Variants in GPATCH1 observed in about 807,000 individuals in gnomAD.
GPATCH1 encodes the protein G patch domain-containing protein 1.
GPATCH1 carries 73 observed loss-of-function variants against 114.9 expected under a neutral mutation model. That is an observed-to-expected ratio of 0.64 (90% CI 0.53 to 0.77). The LOEUF is 0.77. GPATCH1 is among the 30% of genes least tolerant of loss of function. The pLI, the probability that GPATCH1 is intolerant of heterozygous loss-of-function variation, is 0.00. For missense variants in GPATCH1, 1,058 were observed against 1,144.3 expected (o/e 0.92, Z 1.09); for synonymous variants, 391 against 428.4 (o/e 0.91, Z 1.08).
Position 33,096,393 on chromosome 19 carries a change from G to C in GPATCH1, c.799G>C (p.Asp267His). 3.1e-6 allele frequency: 5 copies of C among 1,613,826 alleles called. No individual in the cohort carries two copies. The highest frequency in any genetic ancestry group is 4.2e-6 in the Non-Finnish European group (5 of 1,179,746). The change falls in exon 7 of 20, where the codon GAT (aspartate) becomes CAT (histidine). Residue 267 changes from aspartate to histidine, a missense_variant. Asp to His is a moderately conservative substitution (Grantham distance 81, BLOSUM62 -1). Coordinates refer to ENST00000170564, the MANE Select transcript of GPATCH1 (RefSeq NM_018025.3). The part of the protein sequence containing the change: ...LFSGGSERAG[D>H]LGEIGLNKGR... ...CAGTGGTGGTTCTGAGAGAGCTGGC[G>C]ATCTTGGAGAAATTGGACTGAATAA...
chr19:33,110,074 G>A lies in GPATCH1; in HGVS notation c.1585+58G>A, dbSNP rs1002466075. On this transcript the variant is annotated intron_variant, in intron 11 of 19. Coordinates refer to ENST00000170564, the MANE Select transcript of GPATCH1 (RefSeq NM_018025.3). The stretch of plus-strand genomic sequence containing the variant: ...GCCCGGGCGGGGTCATATTCTCACT[G>A]TTCTCATCCTAGACCCATATTTACA... 7.4e-5 allele frequency: 104 copies of A among 1,403,920 alleles called. 1 individual carries two copies. The South Asian group carries it at 1.2e-3, about 17-fold the overall frequency. The allele number at this position is 1,403,920 out of a possible 1,614,324, so 87.0% of individuals were successfully genotyped here.
rs1275934991 is a variant in GPATCH1 at position 33,088,136 on chromosome 19, G to A, written c.76G>A (p.Glu26Lys). ...GTGLEPLEEG[E>K]RPKKPIPLQD... ...ACTTTTTTTTTTTTTTTTTTTAGGTGAAAGACCAAAGAAACCAATCCCTCT... is the reference window on the plus strand; with the variant it reads ...ACTTTTTTTTTTTTTTTTTTTAGGTAAAAGACCAAAGAAACCAATCCCTCT... The change falls in exon 2 of 20, where the codon GAA (glutamate) becomes AAA (lysine). Residue 26 changes from glutamate to lysine, a missense_variant and splice_region_variant. Physicochemically the swap from Glu to Lys is moderately conservative, Grantham distance 56. Transcript: ENST00000170564. The A allele has an allele frequency of 2.8e-5, 33 of 1,165,070 alleles. No homozygotes were observed. Among genetic ancestry groups the A allele is most frequent in the Middle Eastern group, 2.8e-4 (1 of 3,586 alleles). The allele number at this position is 1,165,070 out of a possible 1,614,324, so 72.2% of individuals were successfully genotyped here.
intron 10 of GPATCH1, among the ~76,000 whole-genome samples, chr19:33,108,106 G>T (rs1972807436): frequency 6.6e-6 from 1 of 151,958 alleles, no homozygotes; most frequent in Non-Finnish European, 1.5e-5. Context: ...CCACACGTGT[G>T]GGGGTTCTGT....
intron 18 of GPATCH1, 134 bp downstream of exon 18, chr19:33,125,336 T>G: frequency 1.0e-6 from 1 of 973,440 alleles, no homozygotes; most frequent in Non-Finnish European, 1.5e-6. Context: ...TTAACAGAAA[T>G]GTTGACATTC....
At chr19:33,101,435 T>C (rs1233088485) in intron 8 of GPATCH1, 60 bp from the exon 9 acceptor site, 3 of 899,698 alleles carry the variant, frequency 3.3e-6, no homozygotes, top group Non-Finnish European at 5.5e-6. Context: ...AATGCTGATG[T>C]GTTCTGTCTT....
chr19:33,102,438 C>T (rs1298810357), intron 9 of GPATCH1, among the ~76,000 whole-genome samples: 3 of 149,528 alleles, frequency 2.0e-5, no homozygotes, highest in African/African-American at 7.4e-5. Context: ...GTTCTGTCAC[C>T]CAGGCTGCAG....
At chr19:33,082,258 C>T (rs1434381844) in intron 1 of GPATCH1, among the ~76,000 whole-genome samples, 9 of 152,114 alleles carry the variant, frequency 5.9e-5, no homozygotes, top group Admixed American at 5.9e-4. Flanking sequence ...GTCTGTTCCA[C>T]TTAACGACTT....
chr19:33,115,564 G>A (rs958295964), intron 15 of GPATCH1, among the ~76,000 whole-genome samples: 1 of 147,798 alleles, frequency 6.8e-6, no homozygotes, highest in South Asian at 2.1e-4. Context: ...GCACTGTCTC[G>A]GCTCACCGCA....
At chr19:33,086,370 G>T (rs556787135) in intron 1 of GPATCH1, among the ~76,000 whole-genome samples, 1 of 152,128 alleles carries the variant, frequency 6.6e-6, no homozygotes, top group Non-Finnish European at 1.5e-5. Context: ...TTTAATCCTC[G>T]TTACCACCCT....
intron 15 of GPATCH1, among the ~76,000 whole-genome samples, chr19:33,114,797 CTTTTTTTTTTT>C (rs546074419): frequency 1.1e-5 from 1 of 87,168 alleles, no homozygotes; most frequent in Non-Finnish European, 2.1e-5. Context: ...CTATTTCTCT[CTTTTTTTTTTT>C]TTTTTTTTTT....
chr19:33,081,366 G>A (rs1972474221), intron 1 of GPATCH1, 100 bp downstream of exon 1: 3 of 997,390 alleles, frequency 3.0e-6, no homozygotes, highest in Non-Finnish European at 4.6e-6. Flanking sequence ...TTGTTAGATC[G>A]TTCCCAGCGC....
intron 4 of GPATCH1, among the ~76,000 whole-genome samples, 195 bp downstream of exon 4, chr19:33,093,714 G>A (rs1352809839): frequency 6.6e-6 from 1 of 152,192 alleles, no homozygotes; most frequent in East Asian, 1.9e-4. Context: ...GCCACTAGCT[G>A]TGCTGCTGGG....
intron 17 of GPATCH1, among the ~76,000 whole-genome samples, chr19:33,123,113 T>G (rs1973004067): frequency 6.7e-6 from 1 of 149,698 alleles, no homozygotes; most frequent in South Asian, 2.1e-4. Context: ...AATAAATAAA[T>G]AAATAGCTGG....
intron 10 of GPATCH1, among the ~76,000 whole-genome samples, chr19:33,109,121 G>T (rs1972820041): frequency 6.6e-6 from 1 of 152,164 alleles, no homozygotes; most frequent in South Asian, 2.1e-4. Flanking sequence ...GGAGGCTGAG[G>T]TGGGAGGATC....
chr19:33,128,321 C>T (rs1014585483), intron 19 of GPATCH1, among the ~76,000 whole-genome samples: 5 of 151,954 alleles, frequency 3.3e-5, no homozygotes, highest in African/African-American at 9.7e-5. Flanking sequence ...AGTGCAGTGG[C>T]GCGATCTTGG....
At chr19:33,108,377 C>G (rs1972811100) in intron 10 of GPATCH1, among the ~76,000 whole-genome samples, 3 of 152,186 alleles carry the variant, frequency 2.0e-5, no homozygotes, top group African/African-American at 7.2e-5. Flanking sequence ...CTTCCCTTAC[C>G]CTCCCACAGT....
intron 19 of GPATCH1, among the ~76,000 whole-genome samples, chr19:33,129,321 C>T (rs1973077566): frequency 6.6e-6 from 1 of 151,628 alleles, no homozygotes; most frequent in Non-Finnish European, 1.5e-5. Context: ...GCCTGTAATC[C>T]CAATACCTTG....
At position 33,114,394 on chromosome 19, in the gene GPATCH1, A is replaced by G. The variant is rs10416265; in HGVS notation, c.2171A>G (p.His724Arg). The G allele has an allele frequency of 0.32, 518,184 of 1,598,886 alleles. 103,536 individuals carry two copies. The highest frequency in any genetic ancestry group is 0.84 in the East Asian group (37,539 of 44,784). Residue 724 changes from histidine to arginine, a missense_variant, in exon 15 of 20, where the codon CAT (histidine) becomes CGT (arginine). Transcript: ENST00000170564. ...SSPLVNKEEEHAPELSANQTV... is the reference protein window; with the variant it reads ...SSPLVNKEEERAPELSANQTV... ...CCCTTAGTAAACAAAGAGGAAGAGC[A>G]TGCACCAGAATTATCCGCAAATCAG...
At chr19:33,091,289 C>T (rs1042767132) in intron 3 of GPATCH1, among the ~76,000 whole-genome samples, 1 of 151,776 alleles carries the variant, frequency 6.6e-6, no homozygotes, top group Non-Finnish European at 1.5e-5. Context: ...TGGCGGGTGC[C>T]TGTAGTCCCA....
Sources: gnomAD v4.1 joint callset for allele counts (sites outside exome capture counted in the v4.1 genomes callset) on GRCh38, gnomAD v4.1.1 for gene constraint, MANE v1.5 for transcripts, NCBI Gene and HGNC (gene_info 2026-07-23, HGNC 2026-07-21) for gene names.